The following ROCK2 variants were observed in gnomAD, a reference collection of about 807,000 sequenced individuals.
ROCK2 encodes the protein Rho associated coiled-coil containing protein kinase 2.
In ROCK2, 61 loss-of-function variants were observed where a neutral mutation model predicts 195.1. That is an observed-to-expected ratio of 0.31 (90% CI 0.25 to 0.39). The LOEUF is 0.39. Among genes scored for constraint, ROCK2 ranks in the 10% least tolerant of loss-of-function variants. The probability of loss-of-function intolerance (pLI) is 1.00; values close to 1 mark genes in which losing one functional copy is unlikely to be tolerated. For synonymous variants in ROCK2, 504 were observed against 545.5 expected, an observed-to-expected ratio of 0.92 and a Z score of 1.06; for missense variants, 1,109 against 1,637.4, an observed-to-expected ratio of 0.68 and a Z score of 5.57.
intron 3 of ROCK2, among the ~76,000 whole-genome samples, chr2:11,282,131 G>A (rs767174265): frequency 6.6e-6 from 1 of 152,030 alleles, no homozygotes; most frequent in Non-Finnish European, 1.5e-5. Flanking sequence ...CAGGTAGATC[G>A]CTTGAGCCCA....
At chr2:11,314,980 T>C (rs1668146653) in intron 1 of ROCK2, among the ~76,000 whole-genome samples, 2 of 152,014 alleles carry the variant, frequency 1.3e-5, no homozygotes, top group African/African-American at 4.8e-5. Context: ...AATCCAATTA[T>C]CTAAGTTCAA....
At chr2:11,327,123 A>C (rs1267563851) in intron 1 of ROCK2, among the ~76,000 whole-genome samples, 1 of 152,174 alleles carries the variant, frequency 6.6e-6, no homozygotes, top group African/African-American at 2.4e-5. Flanking sequence ...TTGGCCAAAG[A>C]GACAAACTGA....
chr2:11,293,319 A>C (rs1484567794), intron 1 of ROCK2, among the ~76,000 whole-genome samples: 1 of 152,234 alleles, frequency 6.6e-6, no homozygotes, highest in Non-Finnish European at 1.5e-5. Context: ...AGAGGAAAAG[A>C]TAAAATTGTG....
chr2:11,201,422 C>A lies in ROCK2; in HGVS notation c.2620-9G>T. 7.3e-7 allele frequency: 1 copy of A among 1,362,496 alleles called. No individual in the cohort carries two copies. Among genetic ancestry groups the A allele is most frequent in the East Asian group, 2.3e-5 (1 of 43,686 alleles). The allele number at this position is 1,362,496 out of a possible 1,614,324, so 84.4% of individuals were successfully genotyped here. On this transcript the variant is annotated splice_polypyrimidine_tract_variant and intron_variant, in intron 21 of 32. Transcript: ENST00000315872. The surrounding 1 kb of genome is among the most constrained non-coding windows in gnomAD (Gnocchi z 4.6). ...TGTGTTTTATAAAGGGTCTAAATAG[C>A]AAAATACAACAGAAATGCGTATCAT...
Position 11,344,260 on chromosome 2 carries a change from G to A in ROCK2, c.-124C>T. The stretch of plus-strand genomic sequence containing the variant: ...CACCCGGGCCCACCGCCTGCCTCTA[G>A]CTCCGGCTTCGGGTCTCCAAGGCGG... On this transcript the variant is annotated 5_prime_UTR_variant, in exon 1 of 33. Coordinates refer to ENST00000315872, the MANE Select transcript of ROCK2 (RefSeq NM_004850.5). This position sits in a 1 kb window ranked among gnomAD's most constrained non-coding sequence, Gnocchi z 5.4. 1 of 1,295,106 alleles carries A rather than the reference G, an allele frequency of 7.7e-7. No individual in the cohort carries two copies. The highest frequency in any genetic ancestry group is 9.8e-7 in the Non-Finnish European group (1 of 1,025,030). The allele number at this position is 1,295,106 out of a possible 1,614,324, so 80.2% of individuals were successfully genotyped here.
intron 3 of ROCK2, among the ~76,000 whole-genome samples, chr2:11,252,089 G>A (rs1665848438): frequency 6.6e-6 from 1 of 152,162 alleles, no homozygotes; most frequent in Non-Finnish European, 1.5e-5. Flanking sequence ...AAACCACTGT[G>A]GAAGACAGTG....
In ROCK2 at chr2:11,224,246, A is replaced by C. The variant is rs914011414; in HGVS notation, c.1007+76T>G. ...GAGAGGCAGACTGATTTCATATGTT[A>C]ATAAGCTAGGCATGCTTTTATTTCT... On this transcript the variant is annotated intron_variant, in intron 7 of 32. Transcript: ENST00000315872. The C allele has an allele frequency of 5.8e-5, 78 of 1,354,282 alleles. No homozygotes were observed. In the African/African-American group the frequency reaches 1.1e-3, roughly 19 times the overall value. 83.9% of individuals were successfully genotyped at this position (1,354,282 alleles called of 1,614,324 possible).
chr2:11,345,024 G>GGCCGCGCCCCCC (rs1367231012), upstream of ROCK2, among the ~76,000 whole-genome samples: 2 of 150,456 alleles, frequency 1.3e-5, no homozygotes, highest in East Asian at 2.0e-4. Flanking sequence ...GGGGGAGCCC[G>GGCCGCGCCCCCC]GCCGCGCCCC....
chr2:11,215,830 G>A (rs758534725), intron 13 of ROCK2, among the ~76,000 whole-genome samples, 185 bp from the exon 14 acceptor site: 6 of 152,084 alleles, frequency 3.9e-5, no homozygotes, highest in African/African-American at 9.7e-5. Flanking sequence ...CATAAAGACC[G>A]TAAATGTTTT....
In ROCK2 at chr2:11,192,516, C is replaced by T. The variant is rs2148030695; in HGVS notation, c.3884G>A (p.Arg1295His). Reference protein sequence around the residue: ...FKPPPALECRRCHIKCHKDHM... With the variant: ...FKPPPALECRHCHIKCHKDHM... ...ATCTTTATGACACTTAATATGGCAA[C>T]GGCGGCACTCCAAAGCAGGAGGAGG... The change falls in exon 31 of 33, where the codon CGT (arginine) becomes CAT (histidine). Residue 1295 changes from arginine (R) to histidine (H), a missense_variant. Physicochemically the swap from Arg to His is conservative, Grantham distance 29. This residue lies in a region of ROCK2 where 221 missense variants were observed against 355.1 expected (regional missense o/e 0.62). Transcript: ENST00000315872. This position sits in a 1 kb window ranked among gnomAD's most constrained non-coding sequence, Gnocchi z 5.0. The T allele has an allele frequency of 6.2e-7, 1 of 1,614,086 alleles. No homozygotes were observed. Among genetic ancestry groups the T allele is most frequent in the Non-Finnish European group, 8.5e-7 (1 of 1,180,000 alleles).
chr2:11,286,048 T>C (rs1053213141), intron 3 of ROCK2, among the ~76,000 whole-genome samples: 3 of 150,616 alleles, frequency 2.0e-5, no homozygotes, highest in Non-Finnish European at 4.4e-5. Flanking sequence ...ACTCAGGTGA[T>C]GAAAACAGGA....
chr2:11,237,023 G>A (rs1303946727), intron 4 of ROCK2, among the ~76,000 whole-genome samples: 3 of 152,100 alleles, frequency 2.0e-5, no homozygotes, highest in Non-Finnish European at 4.4e-5. Context: ...GTAGTGGCAG[G>A]CACCTGTAAT....
At chr2:11,289,809 G>A (rs933536951) in intron 1 of ROCK2, among the ~76,000 whole-genome samples, 1 of 152,142 alleles carries the variant, frequency 6.6e-6, no homozygotes, top group African/African-American at 2.4e-5. Flanking sequence ...AATCTGGAAA[G>A]TTTATAAATA....
chr2:11,287,338 C>A (rs1226458244), intron 2 of ROCK2, among the ~76,000 whole-genome samples: 3 of 152,028 alleles, frequency 2.0e-5, no homozygotes, highest in Admixed American at 2.0e-4. Flanking sequence ...ATTCTCTGGG[C>A]AATATTAAGT....
chr2:11,275,695 CTTTTTT>C (rs70953379), intron 3 of ROCK2, among the ~76,000 whole-genome samples: 3 of 110,188 alleles, frequency 2.7e-5, no homozygotes, highest in South Asian at 3.0e-4. Context: ...ATTCAACAAT[CTTTTTT>C]TTTTTTTTTT....
At chr2:11,284,316 G>A (rs537188197) in intron 3 of ROCK2, among the ~76,000 whole-genome samples, 5 of 152,108 alleles carry the variant, frequency 3.3e-5, no homozygotes, top group South Asian at 4.1e-4. Flanking sequence ...ATAGTATAAC[G>A]ATGGGCATAT....
At chr2:11,214,550 A>G (rs1664360198) in intron 16 of ROCK2, 87 bp from the exon 17 acceptor site, 1 of 778,112 alleles carries the variant, frequency 1.3e-6, no homozygotes, top group Non-Finnish European at 2.1e-6. Context: ...GCCACCTTCT[A>G]TTTTGGAGCT....
intron 3 of ROCK2, among the ~76,000 whole-genome samples, chr2:11,280,235 G>A (rs900542939): frequency 2.0e-5 from 3 of 152,046 alleles, no homozygotes; most frequent in African/African-American, 7.2e-5. Context: ...ATATTGATAA[G>A]GCTCTAGCCA....
At chr2:11,185,126 C>T (rs1254255421) in intron 32 of ROCK2, among the ~76,000 whole-genome samples, 1 of 152,180 alleles carries the variant, frequency 6.6e-6, no homozygotes, top group Non-Finnish European at 1.5e-5. Flanking sequence ...TGTCAATGTT[C>T]CCCTTCACCA....
Sources: gnomAD v4.1 joint callset for allele counts (sites outside exome capture counted in the v4.1 genomes callset) on GRCh38, gnomAD v4.1.1 for gene constraint, gnomAD v4.1.1 regional missense constraint, Gnocchi (gnomAD v3.1) non-coding constraint, MANE v1.5 for transcripts, NCBI Gene and HGNC (gene_info 2026-07-23, HGNC 2026-07-21) for gene names.